The following CCAR1 variants were observed in gnomAD, a reference collection of about 807,000 sequenced individuals.
CCAR1 encodes cell division cycle and apoptosis regulator 1.
In CCAR1, 78 loss-of-function variants were observed where a neutral mutation model predicts 163.8. That is an observed-to-expected ratio of 0.48 (90% CI 0.40 to 0.57). The LOEUF is 0.57. Among genes scored for constraint, CCAR1 ranks in the 20% least tolerant of loss-of-function variants. CCAR1 has a pLI of 0.00. For synonymous variants in CCAR1, 443 were observed against 460.7 expected (o/e 0.96, Z 0.49); for missense variants, 1,019 against 1,365.2 (o/e 0.75, Z 4.00).
chr10:68,770,101 C>A (rs1483745145), intron 17 of CCAR1, among the ~76,000 whole-genome samples: 2 of 152,104 alleles, frequency 1.3e-5, no homozygotes, highest in Non-Finnish European at 2.9e-5. Context: ...TGGCTTATTT[C>A]CTTATTGCCT....
intron 23 of CCAR1, among the ~76,000 whole-genome samples, chr10:68,788,941 G>A (rs2056824475): frequency 7.0e-6 from 1 of 143,622 alleles, no homozygotes; most frequent in African/African-American, 2.6e-5. Context: ...ACAGAGTTTT[G>A]CCCTGTCACC....
chr10:68,754,652 G>A, intron 11 of CCAR1, 62 bp from the exon 12 acceptor site: 1 of 797,656 alleles, frequency 1.3e-6, no homozygotes, highest in South Asian at 1.6e-5. Context: ...AATTAGTAGT[G>A]CTTCTCATTT....
intron 17 of CCAR1, among the ~76,000 whole-genome samples, chr10:68,769,962 A>AT (rs1183481743): frequency 6.7e-5 from 10 of 150,092 alleles, no homozygotes; most frequent in African/African-American, 2.0e-4. Flanking sequence ...AAAAAAAAAA[A>AT]TTATATAGTT....
At chr10:68,731,232 C>T (rs1318535106) in intron 2 of CCAR1, among the ~76,000 whole-genome samples, 1 of 152,098 alleles carries the variant, frequency 6.6e-6, no homozygotes, top group Non-Finnish European at 1.5e-5. Flanking sequence ...GAGATTAATA[C>T]CTTTGTACTT....
intron 19 of CCAR1, among the ~76,000 whole-genome samples, chr10:68,780,869 C>G (rs1163713330): frequency 1.3e-5 from 2 of 152,182 alleles, no homozygotes; most frequent in African/African-American, 4.8e-5. Context: ...ATCACTCTAT[C>G]AACCTGCCAT....
At chr10:68,748,407 A>C (rs910006337) in intron 8 of CCAR1, among the ~76,000 whole-genome samples, 5 of 152,108 alleles carry the variant, frequency 3.3e-5, no homozygotes, top group African/African-American at 4.8e-5. Flanking sequence ...TCTCAAAAAA[A>C]AGAGAAAAAG....
intron 10 of CCAR1, among the ~76,000 whole-genome samples, chr10:68,752,208 G>A (rs2056341647): frequency 6.6e-6 from 1 of 151,974 alleles, no homozygotes; most frequent in Non-Finnish European, 1.5e-5. Flanking sequence ...GTGAGCCACC[G>A]CACCCGGCCT....
Position 68,722,458 on chromosome 10 carries a change from G to A in CCAR1, c.-47G>A. On this transcript the variant is annotated 5_prime_UTR_variant, in exon 2 of 25. Transcript: ENST00000265872. The stretch of plus-strand genomic sequence containing the variant: ...ATGTGGATCCTTTTCTTGATAGATC[G>A]ATGCTATAGAAGACAAACAAGGGAA... 7.1e-7 allele frequency: 1 copy of A among 1,417,168 alleles called. No individual in the cohort carries two copies. Among genetic ancestry groups the A allele is most frequent in the Non-Finnish European group, 1.0e-6 (1 of 1,000,486 alleles). The allele number at this position is 1,417,168 out of a possible 1,614,324, so 87.8% of individuals were successfully genotyped here. A position where few individuals can be genotyped will look rare whatever the true frequency, so the allele number is the denominator to read the frequency against.
At chr10:68,731,319 T>A (rs1277879926) in intron 2 of CCAR1, among the ~76,000 whole-genome samples, 1 of 152,220 alleles carries the variant, frequency 6.6e-6, no homozygotes, top group Non-Finnish European at 1.5e-5. Flanking sequence ...ATAAAAATAT[T>A]CAAGGATAGC....
Position 68,791,335 on chromosome 10 carries a change from T to G in CCAR1, c.*69T>G. The stretch of plus-strand genomic sequence containing the variant: ...ATATAAAAATCATGATATAAGAATG[T>G]TTGAAGGTGATGCATGTTTGATTTT... On this transcript the variant is annotated 3_prime_UTR_variant, in exon 25 of 25. Transcript: ENST00000265872. 1.9e-6 allele frequency: 2 copies of G among 1,076,628 alleles called. No homozygotes were observed. Among genetic ancestry groups the G allele is most frequent in the Non-Finnish European group, 2.7e-6 (2 of 729,128 alleles). 66.7% of individuals were successfully genotyped at this position (1,076,628 alleles called of 1,614,324 possible).
In CCAR1 at chr10:68,765,051, T is replaced by TA. The variant is rs573407015; in HGVS notation, c.2107-836dup. ...TTCTAAATTCATAGAGTTCTGCTCTTACGTTTTGTTGTTTTCTTGTTTTGT... is the reference window on the plus strand; with the variant it reads ...TTCTAAATTCATAGAGTTCTGCTCTTAACGTTTTGTTGTTTTCTTGTTTTGT... On this transcript the variant is annotated intron_variant, in intron 16 of 24. Transcript: ENST00000265872. 1.3e-3 allele frequency among the ~76,000 whole-genome samples: 198 copies of TA among 152,354 alleles called. 1 individual carries two copies. The highest frequency in any genetic ancestry group is 7.0e-3 in the South Asian group (34 of 4,832).
chr10:68,740,875 A>AGGTTT (rs2056173616), intron 5 of CCAR1, among the ~76,000 whole-genome samples: 1 of 150,196 alleles, frequency 6.7e-6, no homozygotes, highest in African/African-American at 2.4e-5. Context: ...AATAAATATG[A>AGGTTT]GGTTTTATTT....
intron 24 of CCAR1, among the ~76,000 whole-genome samples, chr10:68,790,135 C>T (rs1024892425): frequency 6.6e-6 from 1 of 152,042 alleles, no homozygotes; most frequent in Non-Finnish European, 1.5e-5. Context: ...GGGCGGATCA[C>T]CTGAGGTCAG....
At chr10:68,763,511 G>A (rs370335287) in intron 16 of CCAR1, among the ~76,000 whole-genome samples, 115 of 152,030 alleles carry the variant, frequency 7.6e-4, no homozygotes, top group African/African-American at 2.7e-3. Flanking sequence ...GGAGTGGCAC[G>A]ATCTCGGCTC....
chr10:68,725,410 TA>T (rs2055928848), intron 2 of CCAR1, among the ~76,000 whole-genome samples: 1 of 151,532 alleles, frequency 6.6e-6, no homozygotes, highest in Non-Finnish European at 1.5e-5. Context: ...AAAAAATAAA[TA>T]AAAATAAAGT....
intron 5 of CCAR1, 104 bp downstream of exon 5, chr10:68,740,765 TTC>T (rs2056172275): frequency 5.9e-6 from 5 of 847,076 alleles, no homozygotes; most frequent in African/African-American, 1.7e-5. Flanking sequence ...ACTTGTTAGA[TTC>T]ACCTAATAAT....
intron 2 of CCAR1, among the ~76,000 whole-genome samples, chr10:68,723,940 C>G (rs1010047243): frequency 6.6e-6 from 1 of 151,960 alleles, no homozygotes; most frequent in African/African-American, 2.4e-5. Flanking sequence ...GGGTGGATCA[C>G]CTGAAGTCAG....
intron 2 of CCAR1, among the ~76,000 whole-genome samples, chr10:68,728,682 C>T (rs7091372): frequency 0.075 from 11,484 of 152,130 alleles, 1,245 homozygotes; most frequent in African/African-American, 0.24. Context: ...AGGCTGGGCG[C>T]GAGTGGCTCT....
In CCAR1 at chr10:68,737,830, T is replaced by G; in HGVS notation, c.247-15T>G. ...TCTGTATTTTTCTTTGAAAAATTTT[T>G]TTTTAATCTTTCAGCAATATTCACA... On this transcript the variant is annotated splice_polypyrimidine_tract_variant and intron_variant, in intron 3 of 24. Transcript: ENST00000265872. 1.3e-6 allele frequency: 2 copies of G among 1,559,530 alleles called. No homozygotes were observed. Among genetic ancestry groups the G allele is most frequent in the Non-Finnish European group, 1.7e-6 (2 of 1,147,126 alleles).
Sources: gnomAD v4.1 joint callset for allele counts (sites outside exome capture counted in the v4.1 genomes callset) on GRCh38, gnomAD v4.1.1 for gene constraint, MANE v1.5 for transcripts, NCBI Gene and HGNC (gene_info 2026-07-23, HGNC 2026-07-21) for gene names.